Variants in TENM2 observed in about 807,000 individuals in gnomAD.
The protein encoded by TENM2 is teneurin transmembrane protein 2.
In TENM2, 52 loss-of-function variants were observed where a neutral mutation model predicts 245.2. The ratio of observed to expected loss-of-function variants is 0.21; its 90% CI spans 0.17 to 0.27. The LOEUF (loss-of-function observed/expected upper bound fraction) is 0.27. Ranked by LOEUF, TENM2 falls within the 10% of genes least tolerant of loss-of-function variation. The pLI, the probability that TENM2 is intolerant of heterozygous loss-of-function variation, is 1.00. For synonymous variants in TENM2, 1,363 were observed against 1,438.9 expected (o/e 0.95, Z 1.19); for missense variants, 3,046 against 3,666.8 (o/e 0.83, Z 4.37).
the TENM2 span, among the ~76,000 whole-genome samples, chr5:167,181,282 C>A: frequency 6.6e-6 from 1 of 152,088 alleles, no homozygotes; most frequent in Non-Finnish European, 1.5e-5. Flanking sequence ...ACAAATCTAG[C>A]GGTAATCCTT....
chr5:166,988,668 C>A, the TENM2 span, among the ~76,000 whole-genome samples: 3 of 152,188 alleles, frequency 2.0e-5, no homozygotes, highest in African/African-American at 7.2e-5. Context: ...AACAGAGTCA[C>A]CAAAATAAGA....
At chr5:168,162,568 G>T in intron 12 of TENM2, 43 bp from the exon 15 acceptor site, 1 of 1,602,014 alleles carries the variant, frequency 6.2e-7, no homozygotes, top group Non-Finnish European at 8.5e-7. Context: ...CCCCAGCGCG[G>T]CCTCACGTCC....
At chr5:167,369,148 A>T (rs559908894) in intron 1 of TENM2, among the ~76,000 whole-genome samples, 15 of 152,276 alleles carry the variant, frequency 9.9e-5, no homozygotes, top group African/African-American at 3.6e-4. Flanking sequence ...TGAGGCAAAA[A>T]TAAACCCCAG....
chr5:167,758,026 A>C (rs1433478419), intron 2 of TENM2, among the ~76,000 whole-genome samples: 4 of 152,304 alleles, frequency 2.6e-5, no homozygotes, highest in South Asian at 2.1e-4. Flanking sequence ...CTGTCAATAC[A>C]TAAGTGCAAA....
chr5:168,214,844 A>G (rs548464534), intron 20 of TENM2, 196 bp from the exon 23 acceptor site: 2 of 679,896 alleles, frequency 2.9e-6, no homozygotes, highest in Admixed American at 2.0e-5. Flanking sequence ...CATAAGAAGC[A>G]TAAGTCCAAT....
chr5:167,122,423 C>T, the TENM2 span, among the ~76,000 whole-genome samples: 9 of 152,132 alleles, frequency 5.9e-5, no homozygotes. Context: ...TTGTCCTTTT[C>T]CTTCTCTTCC....
chr5:168,008,109 G>C (rs1424707404), intron 5 of TENM2, among the ~76,000 whole-genome samples: 1 of 152,176 alleles, frequency 6.6e-6, no homozygotes, highest in African/African-American at 2.4e-5. Context: ...AGAGAAGGGA[G>C]AAACTCCCAA....
intron 2 of TENM2, among the ~76,000 whole-genome samples, chr5:167,720,804 A>G (rs754267607): frequency 7.9e-5 from 12 of 152,172 alleles, no homozygotes; most frequent in Non-Finnish European, 1.6e-4. Context: ...AGAGGAAGGA[A>G]GGGGACAATT....
chr5:167,991,797 G>A (rs1201746481), intron 4 of TENM2, among the ~76,000 whole-genome samples: 3 of 152,184 alleles, frequency 2.0e-5, no homozygotes, highest in African/African-American at 4.8e-5. Flanking sequence ...AGGTGAAAAC[G>A]GAACAAGGGT....
chr5:167,443,508 T>C (rs1764982100), intron 2 of TENM2, among the ~76,000 whole-genome samples: 1 of 152,160 alleles, frequency 6.6e-6, no homozygotes, highest in Non-Finnish European at 1.5e-5. Context: ...GAACCTGCCG[T>C]AGACTTCATT....
At chr5:167,578,047 G>T (rs1279446524) in intron 2 of TENM2, among the ~76,000 whole-genome samples, 2 of 152,212 alleles carry the variant, frequency 1.3e-5, no homozygotes, top group Non-Finnish European at 2.9e-5. Flanking sequence ...AACAACCGAT[G>T]CTAGTATGAT....
At chr5:168,168,856 C>T (rs1758545100) in intron 13 of TENM2, among the ~76,000 whole-genome samples, 1 of 152,122 alleles carries the variant, frequency 6.6e-6, no homozygotes, top group Non-Finnish European at 1.5e-5. Context: ...TCTATCCACT[C>T]ATCCATCCAT....
intron 12 of TENM2, among the ~76,000 whole-genome samples, chr5:168,136,931 C>T (rs1047891081): frequency 6.6e-6 from 1 of 152,222 alleles, no homozygotes; most frequent in Non-Finnish European, 1.5e-5. Flanking sequence ...GATCTCCCTC[C>T]TTCATAATAA....
chr5:168,041,396 G>A (rs907655059), intron 5 of TENM2, among the ~76,000 whole-genome samples: 7 of 152,046 alleles, frequency 4.6e-5, no homozygotes, highest in African/African-American at 1.4e-4. Flanking sequence ...GCTCCTCAAA[G>A]GCAACTACTC....
the TENM2 span, among the ~76,000 whole-genome samples, chr5:167,092,555 G>A: frequency 6.6e-6 from 1 of 152,156 alleles, no homozygotes; most frequent in African/African-American, 2.4e-5. Context: ...CACGGATTAT[G>A]CTACATGTTT....
chr5:168,222,639 C>T (rs913683045), intron 23 of TENM2, among the ~76,000 whole-genome samples: 1 of 152,170 alleles, frequency 6.6e-6, no homozygotes, highest in African/African-American at 2.4e-5. Flanking sequence ...ATCATGCCTG[C>T]TAAGTTCCCA....
At chr5:167,080,230 G>A in the TENM2 span, among the ~76,000 whole-genome samples, 1,431 of 152,212 alleles carry the variant, frequency 9.4e-3, 21 homozygotes, top group African/African-American at 0.032. Context: ...ATTCATAAAT[G>A]ATAAGATATT....
the TENM2 span, among the ~76,000 whole-genome samples, chr5:167,130,881 T>A: frequency 6.7e-6 from 1 of 149,838 alleles, no homozygotes; most frequent in Non-Finnish European, 1.5e-5. Context: ...GCAGCCAGTG[T>A]TAAATGCTTT....
At chr5:167,695,107 TCA>T (rs1381669150) in intron 2 of TENM2, among the ~76,000 whole-genome samples, 1 of 152,208 alleles carries the variant, frequency 6.6e-6, no homozygotes, top group Non-Finnish European at 1.5e-5. Flanking sequence ...CCATGCTTAT[TCA>T]CAGAGCAGAA....
Sources: allele counts gnomAD v4.1 joint callset (sites outside exome capture counted in the v4.1 genomes callset), GRCh38; gene constraint gnomAD v4.1.1; transcripts MANE v1.5; gene names NCBI Gene and HGNC (gene_info 2026-07-23, HGNC 2026-07-21).